MAP3K9: variants seen among roughly 807,000 people sequenced by gnomAD.
MAP3K9 encodes mitogen-activated protein kinase kinase kinase 9, also known as mixed lineage kinase 1 (tyr and ser/thr specificity).
In MAP3K9, 46 loss-of-function variants were observed where a neutral mutation model predicts 95.8. The observed-to-expected ratio is 0.48, with a 90% CI of 0.38 to 0.61. The LOEUF is 0.61. Ranked by LOEUF, MAP3K9 falls within the 20% of genes least tolerant of loss-of-function variation. MAP3K9 has a pLI of 0.00. For missense variants in MAP3K9, 1,296 were observed against 1,474.3 expected (o/e 0.88, Z 1.98); for synonymous variants, 533 against 593.8 (o/e 0.90, Z 1.49).
chr14:70,756,596 T>G (rs796898084), intron 3 of MAP3K9, among the ~76,000 whole-genome samples: 5 of 152,352 alleles, frequency 3.3e-5, no homozygotes, highest in African/African-American at 1.2e-4. Context: ...AACTTCTGGA[T>G]AGTTTCCAAA....
intron 2 of MAP3K9, among the ~76,000 whole-genome samples, chr14:70,766,908 C>T (rs1044168914): frequency 4.6e-5 from 7 of 152,190 alleles, no homozygotes; most frequent in Non-Finnish European, 7.3e-5. Context: ...ATCCAAATAC[C>T]ACATAATCTA....
In MAP3K9 at chr14:70,742,499, G is replaced by A. The variant is rs368106072; in HGVS notation, c.1419C>T (p.Ala473=). 92 of 1,614,176 alleles carry A rather than the reference G, an allele frequency of 5.7e-5. No individual in the cohort carries two copies. Among genetic ancestry groups the A allele is most frequent in the Admixed American group, 3.5e-4 (21 of 60,014 alleles). The change falls in exon 6 of 12, where the codon GCC becomes GCT. Residue 473 remains alanine, a synonymous_variant. Transcript: ENST00000554752. ...ELLRRREQEL[A]EREIDILERE... ...GTTCCAGGATGTCAATCTCCCGCTCGGCCAGCTCCTGCTCCCGACGCCGCA... is the reference window on the plus strand; with the variant it reads ...GTTCCAGGATGTCAATCTCCCGCTCAGCCAGCTCCTGCTCCCGACGCCGCA...
Position 70,800,996 on chromosome 14 carries a change from A to G in MAP3K9, c.491T>C (p.Ile164Thr), listed in dbSNP as rs777581351. Residue 164 changes from isoleucine (I) to threonine (T), a missense_variant, in exon 2 of 12, where the codon ATA becomes ACA. Ile to Thr is a moderately conservative substitution (Grantham distance 89, BLOSUM62 -1). This residue lies in a region of MAP3K9 where 338 missense variants were observed against 363.4 expected (regional missense o/e 0.93). Coordinates refer to ENST00000554752, the MANE Select transcript of MAP3K9 (RefSeq NM_001284230.2). ...GFGKVYRAFWIGDEVAVKAAR... is the reference protein window; with the variant it reads ...GFGKVYRAFWTGDEVAVKAAR... ...TGCTTTCACAGCAACCTCATCCCCTATCCAGAAAGCACGATAGACCTTCCC... is the reference window on the plus strand; with the variant it reads ...TGCTTTCACAGCAACCTCATCCCCTGTCCAGAAAGCACGATAGACCTTCCC... The G allele has an allele frequency of 6.2e-7, 1 of 1,614,192 alleles. No individual in the cohort carries two copies. Among genetic ancestry groups the G allele is most frequent in the Middle Eastern group, 1.6e-4 (1 of 6,062 alleles).
At chr14:70,769,591 A>T (rs2054503755) in intron 2 of MAP3K9, among the ~76,000 whole-genome samples, 1 of 152,222 alleles carries the variant, frequency 6.6e-6, no homozygotes, top group African/African-American at 2.4e-5. Flanking sequence ...AGGTGTCGGC[A>T]GGGCCATCTC....
chr14:70,734,280 T>G, intron 10 of MAP3K9, 106 bp downstream of exon 10: 2 of 773,808 alleles, frequency 2.6e-6, no homozygotes, highest in Non-Finnish European at 2.3e-6. Context: ...CAATGTTTCC[T>G]CCATGAAGCA....
intron 2 of MAP3K9, among the ~76,000 whole-genome samples, chr14:70,778,166 A>G (rs1594799426): frequency 6.6e-6 from 1 of 151,840 alleles, no homozygotes; most frequent in African/African-American, 2.4e-5. Context: ...GCAGTGGTAT[A>G]ATCTCAGCTC....
At chr14:70,761,690 G>A (rs561890910) in intron 2 of MAP3K9, among the ~76,000 whole-genome samples, 11 of 152,282 alleles carry the variant, frequency 7.2e-5, no homozygotes, top group South Asian at 4.1e-4. Context: ...CCAAGCACCC[G>A]TTGCTACTAA....
chr14:70,726,238 G>A lies in MAP3K9; in HGVS notation c.*4142C>T, dbSNP rs185652784. The A allele has an allele frequency of 2.6e-5, 4 of 152,418 alleles. No individual in the cohort carries two copies. The East Asian group carries it at 7.7e-4, about 29-fold the overall frequency. The allele number at this position is 152,418 out of a possible 1,614,324, so 9.4% of individuals were successfully genotyped here. A position where few individuals can be genotyped will look rare whatever the true frequency, so the allele number is the denominator to read the frequency against. ...AGGTCTCCAATGTGGGGACCACAGAGGCAAGAGAGTTCATGAAAAGTCAGG... is the reference window on the plus strand; with the variant it reads ...AGGTCTCCAATGTGGGGACCACAGAAGCAAGAGAGTTCATGAAAAGTCAGG... On this transcript the variant is annotated 3_prime_UTR_variant, in exon 12 of 12. Coordinates refer to ENST00000554752, the MANE Select transcript of MAP3K9 (RefSeq NM_001284230.2).
chr14:70,801,207 T>C (rs1160563320), intron 1 of MAP3K9, 127 bp from the exon 2 acceptor site: 1 of 855,414 alleles, frequency 1.2e-6, no homozygotes, highest in African/African-American at 1.7e-5. Context: ...GTCTCCCCAT[T>C]ATAAAGCAAA....
intron 2 of MAP3K9, among the ~76,000 whole-genome samples, chr14:70,779,060 C>T (rs543944153): frequency 3.9e-5 from 6 of 152,242 alleles, no homozygotes; most frequent in South Asian, 4.2e-4. Flanking sequence ...GAGGGAATAA[C>T]GTGAGTCCAG....
intron 5 of MAP3K9, among the ~76,000 whole-genome samples, chr14:70,742,911 TTATA>T (rs3081458): frequency 0.47 from 66,787 of 142,818 alleles, 15,808 homozygotes; most frequent in East Asian, 0.62. Context: ...TTATATATAT[TTATA>T]TATATATATA....
intron 3 of MAP3K9, among the ~76,000 whole-genome samples, chr14:70,750,888 A>C (rs1159940003): frequency 1.3e-5 from 2 of 152,108 alleles, no homozygotes; most frequent in African/African-American, 4.8e-5. Context: ...TCACAGATAC[A>C]TTTTTTCCCC....
chr14:70,733,180 G>A lies in MAP3K9; in HGVS notation c.2189C>T (p.Thr730Ile). 6.2e-7 allele frequency: 1 copy of A among 1,610,786 alleles called. No individual in the cohort carries two copies. The highest frequency in any genetic ancestry group is 8.5e-7 in the Non-Finnish European group (1 of 1,177,554). ...GCTGTTGGTTGGCGTCAGCTGAGGGGTACTCGTGGCCGAGTTGACTGGGGT... is the reference window on the plus strand; with the variant it reads ...GCTGTTGGTTGGCGTCAGCTGAGGGATACTCGTGGCCGAGTTGACTGGGGT... ...EPTPVNSATSTPQLTPTNSLK... is the reference protein window; with the variant it reads ...EPTPVNSATSIPQLTPTNSLK... The change falls in exon 11 of 12, where the codon ACC (threonine) becomes ATC (isoleucine). Residue 730 changes from threonine to isoleucine, a missense_variant. Physicochemically the swap from Thr to Ile is moderately conservative, Grantham distance 89. Around this residue, in one of 5 missense-constraint regions of MAP3K9, gnomAD observed 377 missense variants for 417.1 expected, o/e 0.90. Transcript: ENST00000554752.
Position 70,740,145 on chromosome 14 carries a change from C to T in MAP3K9, c.1587G>A (p.Thr529=), listed in dbSNP as rs544381890. Residue 529 remains threonine, a synonymous_variant, in exon 7 of 12, where the codon ACG becomes ACA. Transcript: ENST00000554752. ...SLPSDFQHKF[T]VQASPTMDKR... ...TATCCATGGTAGGGGAGGCCTGCAC[C>T]GTGAACTTGTGCTGGAAATCTGCTT... 105 of 1,613,158 alleles carry T rather than the reference C, an allele frequency of 6.5e-5. No individual in the cohort carries two copies. Among genetic ancestry groups the T allele is most frequent in the Admixed American group, 8.3e-5 (5 of 59,992 alleles).
In MAP3K9 at chr14:70,742,802, C is replaced by T. The variant is rs370129745; in HGVS notation, c.1327-211G>A. On this transcript the variant is annotated intron_variant, in intron 5 of 11. Coordinates refer to ENST00000554752, the MANE Select transcript of MAP3K9 (RefSeq NM_001284230.2). ...GGAAGGCTCAGAACAGCCATACTGACGGGACAGTCAGAGAAGATAAAGCCA... is the reference window on the plus strand; with the variant it reads ...GGAAGGCTCAGAACAGCCATACTGATGGGACAGTCAGAGAAGATAAAGCCA... Among the ~76,000 whole-genome samples, 7 of 151,804 alleles carry T rather than the reference C, an allele frequency of 4.6e-5. No individual in the cohort carries two copies. The South Asian group carries it at 8.3e-4, about 18-fold the overall frequency.
chr14:70,793,290 GAATGTACTGTCAC>G (rs1156415304), intron 2 of MAP3K9, among the ~76,000 whole-genome samples: 1 of 152,218 alleles, frequency 6.6e-6, no homozygotes, highest in Non-Finnish European at 1.5e-5. Context: ...GATTAATAAC[GAATGTACTGTCAC>G]AACACCACAC....
At chr14:70,792,689 C>A (rs1352038545) in intron 2 of MAP3K9, among the ~76,000 whole-genome samples, 1 of 152,184 alleles carries the variant, frequency 6.6e-6, no homozygotes, top group African/African-American at 2.4e-5. Flanking sequence ...ACCATGCGTG[C>A]AGGACGACAC....
intron 2 of MAP3K9, among the ~76,000 whole-genome samples, chr14:70,798,426 A>ATC: frequency 3.9e-5 from 1 of 25,852 alleles, no homozygotes; most frequent in Non-Finnish European, 8.4e-5. Context: ...CCAGCAATAT[A>ATC]AGCAATCTCT....
intron 2 of MAP3K9, among the ~76,000 whole-genome samples, chr14:70,767,867 T>C (rs1240965833): frequency 6.6e-6 from 1 of 152,164 alleles, no homozygotes; most frequent in African/African-American, 2.4e-5. Flanking sequence ...TTTTATTTTT[T>C]GTATTGACCG....
Sources: allele counts gnomAD v4.1 joint callset (sites outside exome capture counted in the v4.1 genomes callset), GRCh38; gene constraint gnomAD v4.1.1; regional missense constraint gnomAD v4.1.1; transcripts MANE v1.5; gene names NCBI Gene and HGNC (gene_info 2026-07-23, HGNC 2026-07-21).